Variants in ROBO2 observed in about 807,000 individuals in gnomAD.
ROBO2 encodes roundabout guidance receptor 2, also known as roundabout homolog 2.
Under a neutral mutation model 160.8 loss-of-function variants are expected in ROBO2, and 53 were observed. That is an observed-to-expected ratio of 0.33 (90% CI 0.26 to 0.41). The LOEUF is 0.41. ROBO2 is among the 10% of genes least tolerant of loss of function. The pLI, the probability that ROBO2 is intolerant of heterozygous loss-of-function variation, is 1.00. For missense variants in ROBO2, 1,577 were observed against 1,722.4 expected (o/e 0.92, Z 1.49); for synonymous variants, 664 against 611.7 (o/e 1.09, Z -1.26).
chr3:76,779,639 A>T (rs1416090328), intron 2 of ROBO2, among the ~76,000 whole-genome samples: 2 of 151,006 alleles, frequency 1.3e-5, no homozygotes, highest in Non-Finnish European at 3.0e-5. Flanking sequence ...ACTTGGCATA[A>T]TGTCCTCAGG....
In ROBO2 at chr3:76,184,293, C is replaced by T. The variant is rs150712668; in HGVS notation, c.109+246691C>T. 1.5e-3 allele frequency among the ~76,000 whole-genome samples: 233 copies of T among 152,164 alleles called. 2 individuals carry two copies. Among genetic ancestry groups the T allele is most frequent in the African/African-American group, 5.5e-3 (230 of 41,542 alleles). ...GGCTCCTCACACATAGTCTCTCCTCCTCCAGTGGGTTGCCCTGGGCTTGTT... is the reference window on the plus strand; with the variant it reads ...GGCTCCTCACACATAGTCTCTCCTCTTCCAGTGGGTTGCCCTGGGCTTGTT... On this transcript the variant is annotated intron_variant, in intron 2 of 26. Coordinates refer to the ROBO2 transcript ENST00000487694.
At chr3:76,212,741 T>A (rs947404917) in intron 2 of ROBO2, among the ~76,000 whole-genome samples, 4 of 152,064 alleles carry the variant, frequency 2.6e-5, no homozygotes, top group Admixed American at 2.0e-4. Flanking sequence ...ATTCAGTACT[T>A]GCTTCTCTGT....
chr3:77,408,974 T>A (rs1354709043), intron 2 of ROBO2, among the ~76,000 whole-genome samples: 1 of 151,938 alleles, frequency 6.6e-6, no homozygotes, highest in Non-Finnish European at 1.5e-5. Context: ...CTTCAAGTGA[T>A]CCTCTTGCCT....
At chr3:76,433,928 A>G (rs2076549828) in intron 2 of ROBO2, 4 of 644,494 alleles carry the variant, frequency 6.2e-6, no homozygotes, top group Non-Finnish European at 8.5e-6. Flanking sequence ...ATTTGAATTT[A>G]TTTATCCATC....
At chr3:76,109,510 C>T (rs6549833) in intron 2 of ROBO2, among the ~76,000 whole-genome samples, 96,229 of 151,772 alleles carry the variant, frequency 0.63, 33,539 homozygotes, top group East Asian at 0.92. Context: ...CTTGGAGTCA[C>T]CACTTTTTCC....
At chr3:76,977,532 C>T (rs1398614135) in intron 2 of ROBO2, among the ~76,000 whole-genome samples, 2 of 152,092 alleles carry the variant, frequency 1.3e-5, no homozygotes, top group East Asian at 3.9e-4. Flanking sequence ...TTATAAGGTA[C>T]AGGAATAACT....
chr3:76,475,662 C>T (rs534768935), intron 2 of ROBO2, among the ~76,000 whole-genome samples: 49 of 152,132 alleles, frequency 3.2e-4, no homozygotes, highest in African/African-American at 1.2e-3. Flanking sequence ...TCTTTAATAA[C>T]ATGCAACTAG....
intron 2 of ROBO2, among the ~76,000 whole-genome samples, chr3:76,778,199 A>G (rs141854709): frequency 6.6e-6 from 1 of 151,160 alleles, no homozygotes; most frequent in Non-Finnish European, 1.5e-5. Flanking sequence ...CCCTGATTGT[A>G]TGTGTATCAG....
intron 2 of ROBO2, among the ~76,000 whole-genome samples, chr3:76,164,440 C>T (rs1440182153): frequency 6.6e-6 from 1 of 152,154 alleles, no homozygotes; most frequent in Non-Finnish European, 1.5e-5. Context: ...TTATTTATGG[C>T]AACTATAGCC....
intron 2 of ROBO2, among the ~76,000 whole-genome samples, chr3:76,929,301 C>T (rs1335007979): frequency 6.6e-6 from 1 of 152,010 alleles, no homozygotes; most frequent in African/African-American, 2.4e-5. Context: ...CAAAACAGAG[C>T]TGCTGAGTTC....
At chr3:77,288,593 ACT>A (rs1453904302) in intron 2 of ROBO2, among the ~76,000 whole-genome samples, 3 of 152,066 alleles carry the variant, frequency 2.0e-5, no homozygotes, top group East Asian at 1.9e-4. Flanking sequence ...CAGGTCTGAC[ACT>A]CTCTGTGAAC....
At chr3:77,085,519 G>A (rs1450564691) in intron 1 of ROBO2, among the ~76,000 whole-genome samples, 1 of 152,018 alleles carries the variant, frequency 6.6e-6, no homozygotes, top group African/African-American at 2.4e-5. Context: ...CTTCTGTTCA[G>A]TTTGGCCAAC....
At chr3:76,953,649 T>C (rs920549682) in intron 2 of ROBO2, among the ~76,000 whole-genome samples, 1 of 152,338 alleles carries the variant, frequency 6.6e-6, no homozygotes, top group African/African-American at 2.4e-5. Flanking sequence ...TTTCGGTCTA[T>C]ATTTCTGGTT....
At chr3:76,306,995 T>C (rs6771408) in intron 2 of ROBO2, among the ~76,000 whole-genome samples, 1 of 152,188 alleles carries the variant, frequency 6.6e-6, no homozygotes, top group Non-Finnish European at 1.5e-5. Flanking sequence ...AAACCCTTTG[T>C]TGACCCCCTA....
At chr3:77,251,080 C>A (rs1031722539) in intron 2 of ROBO2, among the ~76,000 whole-genome samples, 2 of 151,820 alleles carry the variant, frequency 1.3e-5, no homozygotes, top group Non-Finnish European at 1.5e-5. Flanking sequence ...AGGGGCTGCT[C>A]CACTCTCAAG....
chr3:76,605,443 A>G (rs896569659), intron 2 of ROBO2, among the ~76,000 whole-genome samples: 1 of 152,142 alleles, frequency 6.6e-6, no homozygotes, highest in Non-Finnish European at 1.5e-5. Flanking sequence ...TGAGCTAGAA[A>G]ACATTTAAAC....
intron 2 of ROBO2, among the ~76,000 whole-genome samples, chr3:77,437,017 G>A (rs2079362089): frequency 6.6e-6 from 1 of 151,926 alleles, no homozygotes; most frequent in African/African-American, 2.4e-5. Flanking sequence ...CATTTCTTCT[G>A]ATTCAATTCT....
intron 2 of ROBO2, among the ~76,000 whole-genome samples, chr3:76,756,823 T>G (rs1165720341): frequency 6.6e-6 from 1 of 151,864 alleles, no homozygotes; most frequent in East Asian, 2.0e-4. Context: ...CCACAGGGCT[T>G]CGTTGAACGA....
intron 2 of ROBO2, among the ~76,000 whole-genome samples, chr3:76,758,769 G>A (rs1178464327): frequency 6.6e-6 from 1 of 151,804 alleles, no homozygotes; most frequent in Non-Finnish European, 1.5e-5. Flanking sequence ...GTCCATTGGT[G>A]TTTATTTTCA....
Sources: gnomAD v4.1 joint callset for allele counts (sites outside exome capture counted in the v4.1 genomes callset) on GRCh38, gnomAD v4.1.1 for gene constraint, MANE v1.5 for transcripts, NCBI Gene and HGNC (gene_info 2026-07-23, HGNC 2026-07-21) for gene names.